Variants in PTPRD observed in about 807,000 individuals in gnomAD.
PTPRD encodes protein tyrosine phosphatase receptor type D.
A neutral mutation model predicts 214.5 loss-of-function variants in PTPRD; 34 were observed. That is an observed-to-expected ratio of 0.16 (90% CI 0.12 to 0.21). The LOEUF (loss-of-function observed/expected upper bound fraction) is 0.21, where lower values mean the gene tolerates loss of function less well. Among genes scored for constraint, PTPRD ranks in the 10% least tolerant of loss-of-function variants. PTPRD has a pLI of 1.00. For synonymous variants in PTPRD, 1,128 were observed against 845.7 expected (o/e 1.33, Z -5.79); for missense variants, 2,545 against 2,398.7 (o/e 1.06, Z -1.27).
intron 3 of PTPRD, among the ~76,000 whole-genome samples, chr9:10,122,182 C>A (rs2098781315): frequency 6.6e-6 from 1 of 152,102 alleles, no homozygotes; most frequent in South Asian, 2.1e-4. Flanking sequence ...GTGGTGCTTG[C>A]CTGTAATCCC....
intron 12 of PTPRD, among the ~76,000 whole-genome samples, chr9:8,690,314 T>C (rs935650278): frequency 7.9e-5 from 12 of 151,776 alleles, no homozygotes; most frequent in African/African-American, 2.9e-4. Context: ...GATCACAAGG[T>C]CAGGACATGG....
chr9:8,628,018 T>C (rs892639099), intron 14 of PTPRD, among the ~76,000 whole-genome samples: 4 of 151,878 alleles, frequency 2.6e-5, no homozygotes, highest in African/African-American at 9.7e-5. Flanking sequence ...CTTCAGTCAG[T>C]ACCATAATTG....
At chr9:8,716,535 T>A (rs925382168) in intron 12 of PTPRD, among the ~76,000 whole-genome samples, 5 of 150,462 alleles carry the variant, frequency 3.3e-5, no homozygotes, top group East Asian at 3.9e-4. Flanking sequence ...TTCTACAAAT[T>A]TCTAGAGGCC....
chr9:9,925,943 C>G (rs113032713), intron 5 of PTPRD, among the ~76,000 whole-genome samples: 4,100 of 152,176 alleles, frequency 0.027, 189 homozygotes, highest in African/African-American at 0.094. Flanking sequence ...ATCCTCCCAC[C>G]TCAGCCTCCT....
chr9:9,439,129 T>C (rs2086494981), intron 8 of PTPRD, among the ~76,000 whole-genome samples: 1 of 152,158 alleles, frequency 6.6e-6, no homozygotes, highest in Admixed American at 6.5e-5. Flanking sequence ...TTAAAATATA[T>C]ATGGCTTATA....
At chr9:8,968,791 T>A (rs1477204933) in intron 11 of PTPRD, among the ~76,000 whole-genome samples, 1 of 152,036 alleles carries the variant, frequency 6.6e-6, no homozygotes, top group Non-Finnish European at 1.5e-5. Context: ...TTGTGTGACA[T>A]AGATATGAGA....
At chr9:8,667,054 G>C (rs1304002599) in intron 12 of PTPRD, among the ~76,000 whole-genome samples, 2 of 152,008 alleles carry the variant, frequency 1.3e-5, no homozygotes, top group Non-Finnish European at 2.9e-5. Flanking sequence ...AACAAAACCA[G>C]AAGGCCAGGC....
chr9:10,449,275 G>T (rs112698069), intron 2 of PTPRD, among the ~76,000 whole-genome samples: 1 of 151,936 alleles, frequency 6.6e-6, no homozygotes, highest in African/African-American at 2.4e-5. Context: ...TCCTGACGGC[G>T]AGTGATCTGC....
intron 3 of PTPRD, among the ~76,000 whole-genome samples, chr9:10,303,365 G>A (rs1171241460): frequency 6.6e-6 from 1 of 151,924 alleles, no homozygotes; most frequent in Non-Finnish European, 1.5e-5. Context: ...TGAAGCAAGA[G>A]CAAACAAATT....
At chr9:9,495,239 T>C (rs1360236769) in intron 8 of PTPRD, among the ~76,000 whole-genome samples, 1 of 150,072 alleles carries the variant, frequency 6.7e-6, no homozygotes, top group Non-Finnish European at 1.5e-5. Flanking sequence ...AGTCTGATGA[T>C]GATAGAAACA....
intron 3 of PTPRD, among the ~76,000 whole-genome samples, chr9:10,089,480 T>C (rs2154196830): frequency 6.6e-6 from 1 of 151,654 alleles, no homozygotes; most frequent in African/African-American, 2.4e-5. Context: ...TACCATAAAA[T>C]GTAATAATGG....
rs1474349769 is a variant in PTPRD at position 10,161,444 on chromosome 9, G to A, written c.-544-127654C>T. Among the ~76,000 whole-genome samples, 3 of 151,796 alleles carry A rather than the reference G, an allele frequency of 2.0e-5. No individual in the cohort carries two copies. The East Asian group carries it at 5.8e-4, about 29-fold the overall frequency. On this transcript the variant is annotated intron_variant, in intron 3 of 45. Transcript: ENST00000381196. ...TCACAAAGGTACCAAGAACTTACAGGGGAAATGACAATCTTTTCAATAGAT... is the reference window on the plus strand; with the variant it reads ...TCACAAAGGTACCAAGAACTTACAGAGGAAATGACAATCTTTTCAATAGAT...
At position 9,509,800 on chromosome 9, in the gene PTPRD, A is replaced by AT. The variant is rs1277779916; in HGVS notation, c.-237+64931dup. On this transcript the variant is annotated intron_variant, in intron 8 of 45. Transcript: ENST00000381196. ...CACAGTTTATTGAAACTACCTTTTT[A>AT]TTTAAAAAAAAAACATTAAAAAATA... 1.3e-4 allele frequency among the ~76,000 whole-genome samples: 9 copies of AT among 70,332 alleles called. No individual in the cohort carries two copies. In the South Asian group the frequency reaches 2.3e-3, roughly 18 times the overall value. The allele number at this position is 70,332 out of a possible 152,430, so 46.1% of individuals were successfully genotyped here.
chr9:9,167,933 C>T (rs1158579869), intron 10 of PTPRD, among the ~76,000 whole-genome samples: 1 of 152,150 alleles, frequency 6.6e-6, no homozygotes, highest in East Asian at 1.9e-4. Flanking sequence ...AGAAAGCTCC[C>T]TCTCACATGC....
intron 9 of PTPRD, among the ~76,000 whole-genome samples, chr9:9,390,610 G>C (rs1269166663): frequency 6.6e-6 from 1 of 152,112 alleles, no homozygotes; most frequent in Non-Finnish European, 1.5e-5. Flanking sequence ...GGTAAAAGAG[G>C]TAAGAGATCA....
At chr9:10,582,585 G>C (rs905319918) in intron 2 of PTPRD, among the ~76,000 whole-genome samples, 2 of 152,098 alleles carry the variant, frequency 1.3e-5, no homozygotes, top group Non-Finnish European at 2.9e-5. Flanking sequence ...TACATATCTG[G>C]GATGACTAGC....
chr9:9,840,887 G>A (rs2058167182), intron 5 of PTPRD, among the ~76,000 whole-genome samples: 2 of 150,766 alleles, frequency 1.3e-5, no homozygotes, highest in East Asian at 2.0e-4. Context: ...ATAAATATAA[G>A]GAGTTCAATT....
At chr9:9,083,718 A>G (rs1219348462) in intron 10 of PTPRD, among the ~76,000 whole-genome samples, 3 of 152,146 alleles carry the variant, frequency 2.0e-5, no homozygotes, top group Non-Finnish European at 4.4e-5. Flanking sequence ...AAAAAAATAA[A>G]CAACCTCATT....
intron 40 of PTPRD, 86 bp from the exon 41 acceptor site, chr9:8,341,354 C>T: frequency 7.3e-7 from 1 of 1,368,258 alleles, no homozygotes; most frequent in South Asian, 1.5e-5. Flanking sequence ...CCAGATTTCC[C>T]TTTTAGATAT....
Sources: gnomAD v4.1 joint callset for allele counts (sites outside exome capture counted in the v4.1 genomes callset) on GRCh38, gnomAD v4.1.1 for gene constraint, MANE v1.5 for transcripts, NCBI Gene and HGNC (gene_info 2026-07-23, HGNC 2026-07-21) for gene names.